RBL1: variants seen among roughly 807,000 people sequenced by gnomAD.
RBL1 encodes RB transcriptional corepressor like 1.
A neutral mutation model predicts 123.0 loss-of-function variants in RBL1; 82 were observed. The observed-to-expected ratio is 0.67, with a 90% CI of 0.56 to 0.80. The LOEUF is 0.80. Among genes scored for constraint, RBL1 ranks in the 30% least tolerant of loss-of-function variants. The pLI is 0.00. For missense variants in RBL1, 1,171 were observed against 1,299.6 expected (o/e 0.90, Z 1.52); for synonymous variants, 405 against 441.3 (o/e 0.92, Z 1.03).
intron 19 of RBL1, among the ~76,000 whole-genome samples, chr20:37,013,245 GA>G (rs1341298354): frequency 1.3e-5 from 2 of 152,194 alleles, no homozygotes; most frequent in East Asian, 3.9e-4. Flanking sequence ...TCTGTACTAA[GA>G]AAAATTATTC....
At chr20:37,090,349 G>A (rs182407829) in intron 1 of RBL1, among the ~76,000 whole-genome samples, 2 of 152,284 alleles carry the variant, frequency 1.3e-5, no homozygotes, top group East Asian at 3.9e-4. Flanking sequence ...GTCATTAAGT[G>A]AAGCATGTCT....
At chr20:37,049,052 A>G (rs994847143) in intron 11 of RBL1, among the ~76,000 whole-genome samples, 2 of 151,828 alleles carry the variant, frequency 1.3e-5, no homozygotes, top group African/African-American at 4.8e-5. Context: ...AAAACACAAA[A>G]ATTAGCTGGG....
chr20:37,005,161 C>G (rs1194415833), intron 20 of RBL1, among the ~76,000 whole-genome samples: 2 of 152,076 alleles, frequency 1.3e-5, no homozygotes, highest in African/African-American at 2.4e-5. Context: ...GTAATCCCAA[C>G]ACTTTGGGAG....
In RBL1 at chr20:37,000,126, C is replaced by T. The variant is rs537919199; in HGVS notation, c.3037-1197G>A. Among the ~76,000 whole-genome samples the T allele has an allele frequency of 3.1e-3, 462 of 150,074 alleles. 1 individual carries two copies. The highest frequency in any genetic ancestry group is 5.1e-3 in the South Asian group (24 of 4,672). On this transcript the variant is annotated intron_variant, in intron 21 of 21. Coordinates refer to ENST00000373664, the MANE Select transcript of RBL1 (RefSeq NM_002895.5). ...GCTGCCCCGTCTGGGATGTGAGGAG[C>T]GTCTCTGCCCGGCCGCCCCGTCTGA...
chr20:37,022,358 G>A lies in RBL1; in HGVS notation c.2559+292C>T, dbSNP rs989273638. On this transcript the variant is annotated intron_variant, in intron 17 of 21. Transcript: ENST00000373664. ...TTTATTTTTCTTGAGACAGGGTCTTGCTCTATTGCCCAGGCTGAGGTACAG... is the reference window on the plus strand; with the variant it reads ...TTTATTTTTCTTGAGACAGGGTCTTACTCTATTGCCCAGGCTGAGGTACAG... Among the ~76,000 whole-genome samples the A allele has an allele frequency of 1.2e-4, 19 of 152,284 alleles. No homozygotes were observed. In the East Asian group the frequency reaches 2.9e-3, roughly 23 times the overall value.
Position 37,021,546 on chromosome 20 carries a change from G to T in RBL1, c.2560-816C>A, listed in dbSNP as rs576732813. Among the ~76,000 whole-genome samples the T allele has an allele frequency of 1.4e-3, 213 of 151,832 alleles. 2 individuals carry two copies. Among genetic ancestry groups the T allele is most frequent in the African/African-American group, 4.9e-3 (201 of 41,382 alleles). On this transcript the variant is annotated intron_variant, in intron 17 of 21. Coordinates refer to ENST00000373664, the MANE Select transcript of RBL1 (RefSeq NM_002895.5). The stretch of plus-strand genomic sequence containing the variant: ...TGCAACCTCTGCCTCCCGGTTTCAA[G>T]TGATTCTCCTGCCTCAGCCTCCCGA...
chr20:37,020,572 C>A, intron 18 of RBL1, 87 bp downstream of exon 18: 1 of 919,528 alleles, frequency 1.1e-6, no homozygotes, highest in Non-Finnish European at 1.6e-6. Context: ...TATATTAAAA[C>A]TATAAAATAA....
At chr20:37,045,765 CT>C (rs1475786492) in intron 12 of RBL1, among the ~76,000 whole-genome samples, 5 of 152,144 alleles carry the variant, frequency 3.3e-5, no homozygotes, top group Non-Finnish European at 5.9e-5. Flanking sequence ...CCTAAAAATA[CT>C]TTAATCACAC....
At chr20:37,042,907 C>CCAA (rs1426087593) in intron 13 of RBL1, among the ~76,000 whole-genome samples, 5 of 53,324 alleles carry the variant, frequency 9.4e-5, no homozygotes, top group African/African-American at 2.5e-4. Flanking sequence ...CCCCCCCCTC[C>CCAA]AAAAAAAAAA....
At chr20:37,004,178 C>A (rs1017905374) in intron 20 of RBL1, among the ~76,000 whole-genome samples, 14 of 151,510 alleles carry the variant, frequency 9.2e-5, no homozygotes, top group African/African-American at 2.9e-4. Flanking sequence ...TCAAGCAATT[C>A]TCCTCCCTCA....
At chr20:37,052,572 C>A (rs1357304464) in intron 11 of RBL1, among the ~76,000 whole-genome samples, 1 of 151,940 alleles carries the variant, frequency 6.6e-6, no homozygotes, top group Admixed American at 6.6e-5. Context: ...TGCAGTGGTG[C>A]GATCTTGGCT....
intron 16 of RBL1, among the ~76,000 whole-genome samples, chr20:37,031,707 T>A (rs539604604): frequency 6.6e-6 from 1 of 152,156 alleles, no homozygotes; most frequent in Non-Finnish European, 1.5e-5. Flanking sequence ...CCCAAAGGAA[T>A]TGAAAGCAGA....
At chr20:37,002,340 T>TTTTTTTTTTG (rs1568810219) in intron 21 of RBL1, among the ~76,000 whole-genome samples, 1 of 98,414 alleles carries the variant, frequency 1.0e-5, no homozygotes, top group East Asian at 2.6e-4. Flanking sequence ...TTATCTGTTT[T>TTTTTTTTTTG]TTTTTTTTTT....
chr20:37,042,036 G>A (rs542464053), intron 13 of RBL1, among the ~76,000 whole-genome samples: 8 of 136,500 alleles, frequency 5.9e-5, no homozygotes, highest in South Asian at 4.7e-4. Context: ...TCACGCCACC[G>A]CACTCCAGCC....
At position 36,996,461 on chromosome 20, in the gene RBL1, G is replaced by C. The variant is rs2063890918; in HGVS notation, c.*2298C>G. Reference sequence around the variant, plus strand: ...AGAATTTCTTTTTTTCCTTTTCTGAGAAAGGGTCTTGCCCTCTCACCTAGG... The same window carrying C: ...AGAATTTCTTTTTTTCCTTTTCTGACAAAGGGTCTTGCCCTCTCACCTAGG... On this transcript the variant is annotated 3_prime_UTR_variant, in exon 22 of 22. Transcript: ENST00000373664. 6.6e-6 allele frequency: 1 copy of C among 152,014 alleles called. No homozygotes were observed. Among genetic ancestry groups the C allele is most frequent in the Admixed American group, 6.5e-5 (1 of 15,268 alleles). The allele number at this position is 152,014 out of a possible 1,614,324, so 9.4% of individuals were successfully genotyped here.
At position 37,056,990 on chromosome 20, in the gene RBL1, T is replaced by TA. The variant is rs1568864482; in HGVS notation, c.1251-733_1251-732insT. ...ATATTCCATCTCATATCTCTATTTC[T>TA]TTCTATCTATCTATCTACCTACCTA... On this transcript the variant is annotated intron_variant, in intron 9 of 21. Coordinates refer to ENST00000373664, the MANE Select transcript of RBL1 (RefSeq NM_002895.5). 3.0e-4 allele frequency among the ~76,000 whole-genome samples: 11 copies of TA among 36,860 alleles called. No individual in the cohort carries two copies. The East Asian group carries it at 4.4e-3, about 15-fold the overall frequency. The allele number at this position is 36,860 out of a possible 152,430, so 24.2% of individuals were successfully genotyped here. A position where few individuals can be genotyped will look rare whatever the true frequency, so the allele number is the denominator to read the frequency against.
intron 9 of RBL1, 51 bp from the exon 10 acceptor site, chr20:37,056,309 CAA>C: frequency 6.9e-7 from 1 of 1,449,270 alleles, no homozygotes; most frequent in Non-Finnish European, 9.1e-7. Context: ...AACAAACAAA[CAA>C]AAAAGACTCC....
chr20:37,085,647 A>ATTTTTTTTTTTT (rs1202673380), intron 2 of RBL1, among the ~76,000 whole-genome samples: 4 of 84,606 alleles, frequency 4.7e-5, no homozygotes, highest in African/African-American at 9.4e-5. Context: ...TTGAAATTTG[A>ATTTTTTTTTTTT]TTTTTTTTTT....
chr20:37,001,644 G>C (rs1475692754), intron 21 of RBL1, among the ~76,000 whole-genome samples: 1 of 148,960 alleles, frequency 6.7e-6, no homozygotes, highest in Admixed American at 6.7e-5. Context: ...AGGGTCCTCT[G>C]CCTAGGAAAA....
Sources: gnomAD v4.1 joint callset for allele counts (sites outside exome capture counted in the v4.1 genomes callset) on GRCh38, gnomAD v4.1.1 for gene constraint, MANE v1.5 for transcripts, NCBI Gene and HGNC (gene_info 2026-07-23, HGNC 2026-07-21) for gene names.